VWA3B: variants seen among roughly 807,000 people sequenced by gnomAD.
VWA3B encodes von Willebrand factor A domain containing 3B, also known as von Willebrand factor A domain-containing protein 3B.
In VWA3B, 138 loss-of-function variants were observed where a neutral mutation model predicts 158.3. The ratio of observed to expected loss-of-function variants is 0.87; its 90% confidence interval spans 0.76 to 1.00. VWA3B has a LOEUF of 1.00. VWA3B is among the 50% of genes least tolerant of loss of function. The probability of loss-of-function intolerance (pLI) is 0.00; values close to 1 mark genes in which losing one functional copy is unlikely to be tolerated. For missense variants in VWA3B, 1,555 were observed against 1,565.1 expected (o/e 0.99, Z 0.11); for synonymous variants, 596 against 587.3 (o/e 1.01, Z -0.21).
intron 7 of VWA3B, among the ~76,000 whole-genome samples, chr2:98,147,266 A>T (rs1265047129): frequency 6.6e-6 from 1 of 152,188 alleles, no homozygotes; most frequent in African/African-American, 2.4e-5. Context: ...TTATCTCATT[A>T]GTATGAGGCT....
chr2:98,321,603 A>G, the VWA3B span, among the ~76,000 whole-genome samples: 1 of 152,246 alleles, frequency 6.6e-6, no homozygotes, highest in Non-Finnish European at 1.5e-5. Flanking sequence ...TTAAGATGTG[A>G]CTGCCCTAAC....
Position 98,115,699 on chromosome 2 carries a change from G to C in VWA3B, c.244G>C (p.Gly82Arg). 1 of 1,613,716 alleles carries C rather than the reference G, an allele frequency of 6.2e-7. No homozygotes were observed. The highest frequency in any genetic ancestry group is 8.5e-7 in the Non-Finnish European group (1 of 1,179,998). The change falls in exon 3 of 28, where the codon GGT becomes CGT. Residue 82 changes from glycine to arginine, a missense_variant. Coordinates refer to ENST00000477737, the MANE Select transcript of VWA3B (RefSeq NM_144992.5). Reference sequence around the variant, plus strand: ...ACCTGTGGCTTCTCGGTATGCTGATGGTCTGTTTCCACAGCTCTACAGAGC... The same window carrying C: ...ACCTGTGGCTTCTCGGTATGCTGATCGTCTGTTTCCACAGCTCTACAGAGC... ...GRPVASRYAD[G>R]LFPQLYRAED...
At chr2:98,277,877 T>C (rs1482793212) in intron 22 of VWA3B, among the ~76,000 whole-genome samples, 1 of 152,184 alleles carries the variant, frequency 6.6e-6, no homozygotes, top group Non-Finnish European at 1.5e-5. Context: ...AGTTATCAGT[T>C]ATGTAAAATA....
At position 98,165,443 on chromosome 2, in the gene VWA3B, T is replaced by C. The variant is rs536197092; in HGVS notation, c.1114+2467T>C. Among the ~76,000 whole-genome samples, 56 of 152,238 alleles carry C rather than the reference T, an allele frequency of 3.7e-4. No individual in the cohort carries two copies. The South Asian group carries it at 0.012, about 32-fold the overall frequency. On this transcript the variant is annotated intron_variant, in intron 8 of 27. Transcript: ENST00000477737. ...CTGATTTAATCCCTATGGGATGACA[T>C]TGGGACTTTTGAAAGCTCCCCGGGT...
chr2:98,246,401 G>A (rs1015100059), intron 19 of VWA3B, among the ~76,000 whole-genome samples: 4 of 151,860 alleles, frequency 2.6e-5, no homozygotes, highest in African/African-American at 9.7e-5. Context: ...TTTTTGAGAT[G>A]GAGTCCCACT....
chr2:98,186,926 T>C (rs1681117661), intron 9 of VWA3B, among the ~76,000 whole-genome samples: 1 of 152,160 alleles, frequency 6.6e-6, no homozygotes, highest in African/African-American at 2.4e-5. Context: ...GACCTGCTCC[T>C]GGCCCTCCTC....
chr2:98,266,057 C>T (rs74627579), intron 21 of VWA3B, among the ~76,000 whole-genome samples: 1 of 149,460 alleles, frequency 6.7e-6, no homozygotes, highest in Non-Finnish European at 1.5e-5. Flanking sequence ...AATTAGATCC[C>T]ATTTGTCAAT....
chr2:98,147,792 C>G (rs554097335), intron 7 of VWA3B, among the ~76,000 whole-genome samples: 92 of 151,986 alleles, frequency 6.1e-4, no homozygotes, highest in African/African-American at 2.1e-3. Context: ...TGTTGGTGTG[C>G]TGCACCCATT....
chr2:98,319,878 A>T, the VWA3B span, among the ~76,000 whole-genome samples: 54 of 21,288 alleles, frequency 2.5e-3, no homozygotes, highest in African/African-American at 0.011. Flanking sequence ...AGACTCCATC[A>T]CACACACACA....
At chr2:98,224,949 CA>C (rs1331804924) in intron 14 of VWA3B, among the ~76,000 whole-genome samples, 1 of 150,616 alleles carries the variant, frequency 6.6e-6, no homozygotes, top group Non-Finnish European at 1.5e-5. Flanking sequence ...TCCATATATA[CA>C]AGAATATTTG....
chr2:98,092,609 C>G (rs1261808211), intron 1 of VWA3B, among the ~76,000 whole-genome samples: 1 of 151,910 alleles, frequency 6.6e-6, no homozygotes, highest in Non-Finnish European at 1.5e-5. Context: ...TGCCACTGCA[C>G]TCCAGCCTGG....
intron 19 of VWA3B, among the ~76,000 whole-genome samples, chr2:98,239,535 T>G (rs564737288): frequency 2.6e-5 from 4 of 152,082 alleles, no homozygotes; most frequent in Non-Finnish European, 5.9e-5. Flanking sequence ...GATGTTTTTT[T>G]TTTTTAAATT....
intron 12 of VWA3B, among the ~76,000 whole-genome samples, chr2:98,201,282 G>A (rs1682524725): frequency 6.6e-6 from 1 of 152,084 alleles, no homozygotes; most frequent in Non-Finnish European, 1.5e-5. Flanking sequence ...ATTGTAAATA[G>A]TACTTTTTAA....
chr2:98,134,817 A>G (rs1235621528), intron 7 of VWA3B, among the ~76,000 whole-genome samples: 2 of 152,038 alleles, frequency 1.3e-5, no homozygotes, highest in African/African-American at 4.8e-5. Flanking sequence ...AAAGGCTCCC[A>G]GGAGAAGGTT....
rs1558628369 is a variant in VWA3B, at chr2:98,168,410, A to ACAC, written c.1114+5434_1114+5435insCAC. The stretch of plus-strand genomic sequence containing the variant: ...ACACACACACACACACACACACACA[A>ACAC]ACTAAAACCCAAAATAACTCTAAGC... On this transcript the variant is annotated intron_variant, in intron 8 of 27. Transcript: ENST00000477737. Among the ~76,000 whole-genome samples, 3 of 121,188 alleles carry ACAC rather than the reference A, an allele frequency of 2.5e-5. No homozygotes were observed. In the East Asian group the frequency reaches 8.7e-4, roughly 35 times the overall value. The allele number at this position is 121,188 out of a possible 152,430, so 79.5% of individuals were successfully genotyped here.
At chr2:98,164,331 A>G (rs1416596283) in intron 8 of VWA3B, among the ~76,000 whole-genome samples, 1 of 152,238 alleles carries the variant, frequency 6.6e-6, no homozygotes, top group Non-Finnish European at 1.5e-5. Flanking sequence ...ACACTCTTCT[A>G]TCTAATTTGG....
At position 98,161,365 on chromosome 2, in the gene VWA3B, G is replaced by A. The variant is rs540004084; in HGVS notation, c.989-1486G>A. Among the ~76,000 whole-genome samples the A allele has an allele frequency of 2.0e-5, 3 of 152,356 alleles. No homozygotes were observed. In the East Asian group the frequency reaches 5.8e-4, roughly 29 times the overall value. On this transcript the variant is annotated intron_variant, in intron 7 of 27. Coordinates refer to ENST00000477737, the MANE Select transcript of VWA3B (RefSeq NM_144992.5). Reference sequence around the variant, plus strand: ...GTGATGCCATTCTGGCAGTGGCTAAGTAATGAAGCTGTGGGGTGGGCCTTC... The same window carrying A: ...GTGATGCCATTCTGGCAGTGGCTAAATAATGAAGCTGTGGGGTGGGCCTTC...
intron 19 of VWA3B, among the ~76,000 whole-genome samples, chr2:98,249,083 C>T (rs1574194327): frequency 2.0e-5 from 3 of 152,084 alleles, no homozygotes; most frequent in Admixed American, 6.5e-5. Context: ...TTCTAAAATG[C>T]CTACATGCTC....
chr2:98,144,818 C>T lies in VWA3B; in HGVS notation c.988+10879C>T, dbSNP rs896900907. Among the ~76,000 whole-genome samples the T allele has an allele frequency of 7.2e-5, 6 of 82,888 alleles. No homozygotes were observed. In the South Asian group the frequency reaches 7.4e-4, roughly 10 times the overall value. 54.4% of individuals were successfully genotyped at this position (82,888 alleles called of 152,430 possible). On this transcript the variant is annotated intron_variant, in intron 7 of 27. Coordinates refer to ENST00000477737, the MANE Select transcript of VWA3B (RefSeq NM_144992.5). Reference sequence around the variant, plus strand: ...CTGACCTCAGGTGATTCACCCACCTCGGCCTCCCAAGTGCTGGGATTACAG... The same window carrying T: ...CTGACCTCAGGTGATTCACCCACCTTGGCCTCCCAAGTGCTGGGATTACAG...
Sources: gnomAD v4.1 joint callset for allele counts (sites outside exome capture counted in the v4.1 genomes callset) on GRCh38, gnomAD v4.1.1 for gene constraint, MANE v1.5 for transcripts, NCBI Gene and HGNC (gene_info 2026-07-23, HGNC 2026-07-21) for gene names.